Variants in ANK3 observed in about 807,000 individuals in gnomAD.
ANK3 encodes the protein ankyrin 3, also known as ankyrin-3.
ANK3 carries 57 observed loss-of-function variants against 370.9 expected under a neutral mutation model. The observed-to-expected ratio is 0.15, with a 90% CI of 0.12 to 0.19. The LOEUF (loss-of-function observed/expected upper bound fraction) is 0.19. ANK3 is among the 10% of genes least tolerant of loss of function. The pLI is 1.00. For missense variants in ANK3, 4,439 were observed against 5,302.1 expected (o/e 0.84, Z 5.06); for synonymous variants, 1,929 against 1,946.3 (o/e 0.99, Z 0.23).
chr10:60,390,592 T>C (rs1474704197), upstream of ANK3, among the ~76,000 whole-genome samples: 4 of 152,082 alleles, frequency 2.6e-5, no homozygotes, highest in Non-Finnish European at 4.4e-5. Context: ...TCTGCTAGGA[T>C]GCACACACCG....
At chr10:60,180,282 T>A (rs886875174) in intron 18 of ANK3, among the ~76,000 whole-genome samples, 1 of 150,492 alleles carries the variant, frequency 6.6e-6, no homozygotes, top group Non-Finnish European at 1.5e-5. Flanking sequence ...TTCTTTTTCA[T>A]GTCAAACATG....
chr10:60,124,612 G>A (rs79856132), intron 25 of ANK3, among the ~76,000 whole-genome samples: 7,410 of 152,306 alleles, frequency 0.049, 226 homozygotes, highest in Non-Finnish European at 0.056. Flanking sequence ...TGGATTAACA[G>A]AAATAATAGT....
At chr10:60,406,279 G>A in intron 2 of ANK3, among the ~76,000 whole-genome samples, 1 of 152,142 alleles carries the variant, frequency 6.6e-6, no homozygotes, top group South Asian at 2.1e-4. Flanking sequence ...ACAAAAACAG[G>A]CAGGCACTAG....
chr10:60,455,054 AAAG>A (rs2064712038), intron 2 of ANK3, among the ~76,000 whole-genome samples: 2 of 152,304 alleles, frequency 1.3e-5, no homozygotes, highest in Non-Finnish European at 2.9e-5. Flanking sequence ...AAATGTTTTT[AAAG>A]AAGCATAACA....
At chr10:60,335,743 T>C (rs2052671470) in intron 1 of ANK3, among the ~76,000 whole-genome samples, 1 of 152,196 alleles carries the variant, frequency 6.6e-6, no homozygotes, top group Non-Finnish European at 1.5e-5. Context: ...TATTATTGTT[T>C]CTTGAGGTAA....
At chr10:60,661,908 A>G (rs2078940392) in intron 1 of ANK3, among the ~76,000 whole-genome samples, 1 of 152,110 alleles carries the variant, frequency 6.6e-6, no homozygotes, top group African/African-American at 2.4e-5. Flanking sequence ...ATGCACTTTC[A>G]TCCCCCAAAC....
intron 1 of ANK3, among the ~76,000 whole-genome samples, chr10:60,285,557 C>T (rs1453282155): frequency 6.6e-6 from 1 of 152,018 alleles, no homozygotes; most frequent in African/African-American, 2.4e-5. Flanking sequence ...TCTCTTTGTT[C>T]ACTTCCTTCT....
Position 60,205,787 on chromosome 10 carries a change from C to T in ANK3, c.1293+5G>A, listed in dbSNP as rs886723588. 1 of 1,607,888 alleles carries T rather than the reference C, an allele frequency of 6.2e-7. No individual in the cohort carries two copies. The highest frequency in any genetic ancestry group is 8.5e-7 in the Non-Finnish European group (1 of 1,174,312). ...AGGACTCCCAGAAATCTTAACTCTT[C>T]TCACCTCGGTTACAGCTTGGATGGA... On this transcript the variant is annotated splice_donor_5th_base_variant and intron_variant, in intron 11 of 43. Transcript: ENST00000280772.
chr10:60,395,568 C>G (rs917680870), intron 2 of ANK3, among the ~76,000 whole-genome samples: 2 of 116,684 alleles, frequency 1.7e-5, no homozygotes, highest in Admixed American at 8.7e-5. Context: ...TTCTTTCTTT[C>G]TTTCTTTCTT....
intron 28 of ANK3, among the ~76,000 whole-genome samples, chr10:60,097,543 AAAC>A (rs1281100542): frequency 6.6e-6 from 1 of 152,220 alleles, no homozygotes; most frequent in Non-Finnish European, 1.5e-5. Flanking sequence ...GCTTTGTTAC[AAAC>A]AACAAGAATC....
At chr10:60,283,155 G>T (rs975566118) in intron 1 of ANK3, among the ~76,000 whole-genome samples, 1 of 152,080 alleles carries the variant, frequency 6.6e-6, no homozygotes, top group African/African-American at 2.4e-5. Flanking sequence ...AAGTGGCAGG[G>T]CAAATATTGG....
intron 28 of ANK3, among the ~76,000 whole-genome samples, chr10:60,089,900 A>G (rs1197558624): frequency 6.6e-6 from 1 of 152,128 alleles, no homozygotes; most frequent in Non-Finnish European, 1.5e-5. Context: ...CAAATAAGTG[A>G]GAGAAAGATG....
intron 2 of ANK3, among the ~76,000 whole-genome samples, chr10:60,466,201 A>G (rs1180664841): frequency 6.6e-6 from 1 of 152,198 alleles, no homozygotes; most frequent in Non-Finnish European, 1.5e-5. Flanking sequence ...AAGAGGGCAT[A>G]ATTGTCTTCT....
intron 1 of ANK3, among the ~76,000 whole-genome samples, chr10:60,650,025 A>C (rs1285670941): frequency 6.6e-6 from 1 of 152,204 alleles, no homozygotes; most frequent in Non-Finnish European, 1.5e-5. Context: ...GTCTAGAATG[A>C]GCAGAAATCT....
At chr10:60,653,052 G>C (rs2078813062) in intron 1 of ANK3, among the ~76,000 whole-genome samples, 1 of 151,890 alleles carries the variant, frequency 6.6e-6, no homozygotes, top group Admixed American at 6.6e-5. Flanking sequence ...ATAATTTCTA[G>C]GTACAAGTTT....
At chr10:60,636,549 G>C (rs1170025329) in intron 1 of ANK3, among the ~76,000 whole-genome samples, 1 of 152,164 alleles carries the variant, frequency 6.6e-6, no homozygotes, top group Non-Finnish European at 1.5e-5. Flanking sequence ...CACCCTGAGA[G>C]AGCCTGAGTT....
chr10:60,236,270 T>C (rs1356682520), intron 7 of ANK3, among the ~76,000 whole-genome samples: 1 of 152,028 alleles, frequency 6.6e-6, no homozygotes, highest in Non-Finnish European at 1.5e-5. Flanking sequence ...TCTCAAAAAA[T>C]CACGATACCA....
At chr10:60,413,051 A>G (rs1042830153) in intron 2 of ANK3, among the ~76,000 whole-genome samples, 2 of 152,200 alleles carry the variant, frequency 1.3e-5, no homozygotes, top group African/African-American at 4.8e-5. Context: ...ATAAAACCTG[A>G]CTTTACAAAA....
chr10:60,415,417 T>C (rs2063641337), intron 2 of ANK3, among the ~76,000 whole-genome samples: 1 of 152,172 alleles, frequency 6.6e-6, no homozygotes, highest in Admixed American at 6.5e-5. Flanking sequence ...CAGCGGGAAC[T>C]ACTGCCAGAT....
Sources: gnomAD v4.1 joint callset for allele counts (sites outside exome capture counted in the v4.1 genomes callset) on GRCh38, gnomAD v4.1.1 for gene constraint, MANE v1.5 for transcripts, NCBI Gene and HGNC (gene_info 2026-07-23, HGNC 2026-07-21) for gene names.